KCNMB2: variants seen among roughly 807,000 people sequenced by gnomAD.
KCNMB2 encodes the protein potassium calcium-activated channel subfamily M regulatory beta subunit 2.
In KCNMB2, 9 loss-of-function variants were observed where a neutral mutation model predicts 24.5. That is an observed-to-expected ratio of 0.37 (90% CI 0.22 to 0.64). The LOEUF (loss-of-function observed/expected upper bound fraction) is 0.64, where lower values mean the gene tolerates loss of function less well. Ranked by LOEUF, KCNMB2 falls within the 30% of genes least tolerant of loss-of-function variation. The pLI is 0.63. For missense variants in KCNMB2, 226 were observed against 284.3 expected, an observed-to-expected ratio of 0.79 and a Z score of 1.47; for synonymous variants, 109 against 104.4, an observed-to-expected ratio of 1.04 and a Z score of -0.27.
chr3:178,760,319 GAT>G (rs543972485), intron 1 of KCNMB2, among the ~76,000 whole-genome samples: 2 of 102,060 alleles, frequency 2.0e-5, no homozygotes, highest in African/African-American at 3.5e-5. Context: ...TCTATATATA[GAT>G]ATATATAGAT....
At chr3:178,647,519 TAA>T (rs1490162360) in intron 1 of KCNMB2, among the ~76,000 whole-genome samples, 2 of 152,182 alleles carry the variant, frequency 1.3e-5, no homozygotes, top group African/African-American at 4.8e-5. Flanking sequence ...CTTATAAGCT[TAA>T]AAAAGTTATT....
chr3:178,750,751 C>T (rs548453685), intron 1 of KCNMB2, among the ~76,000 whole-genome samples: 1 of 152,160 alleles, frequency 6.6e-6, no homozygotes, highest in Non-Finnish European at 1.5e-5. Context: ...TATGGGGTAC[C>T]CAGTTGGCAG....
At position 178,843,148 on chromosome 3, in the gene KCNMB2, G is replaced by A. The variant is rs968106003; in HGVS notation, c.*211G>A. 6.2e-6 allele frequency: 4 copies of A among 641,908 alleles called. No homozygotes were observed. The East Asian group carries it at 9.4e-5, about 15-fold the overall frequency. The allele number at this position is 641,908 out of a possible 1,614,324, so 39.8% of individuals were successfully genotyped here. Reference sequence around the variant, plus strand: ...AAATAACTGTTTTGTGTTGGTTGGTGGTTTTCATAATCTTATTTCTGTACT... The same window carrying A: ...AAATAACTGTTTTGTGTTGGTTGGTAGTTTTCATAATCTTATTTCTGTACT... On this transcript the variant is annotated 3_prime_UTR_variant, in exon 5 of 5. Transcript: ENST00000452583.
At chr3:178,808,484 A>C (rs1162684207) in intron 2 of KCNMB2, among the ~76,000 whole-genome samples, 1 of 152,210 alleles carries the variant, frequency 6.6e-6, no homozygotes, top group Non-Finnish European at 1.5e-5. Flanking sequence ...CACAAGGAGA[A>C]GAACCTGAAG....
At chr3:178,538,744 C>A (rs2108444494) in intron 1 of KCNMB2, among the ~76,000 whole-genome samples, 1 of 152,166 alleles carries the variant, frequency 6.6e-6, no homozygotes, top group East Asian at 1.9e-4. Context: ...TGTATGCCCA[C>A]AACCTGAAAA....
chr3:178,560,450 G>A (rs1716275976), intron 1 of KCNMB2, among the ~76,000 whole-genome samples: 1 of 152,208 alleles, frequency 6.6e-6, no homozygotes, highest in Admixed American at 6.5e-5. Flanking sequence ...TCACCCCACT[G>A]AAGCGATTGC....
intron 1 of KCNMB2, among the ~76,000 whole-genome samples, chr3:178,674,330 CAT>C (rs111986937): frequency 5.9e-5 from 9 of 151,544 alleles, no homozygotes; most frequent in Non-Finnish European, 1.0e-4. Flanking sequence ...ACTTAGATGT[CAT>C]ATATATATAT....
chr3:178,594,323 A>G (rs1364831278), intron 1 of KCNMB2, among the ~76,000 whole-genome samples: 1 of 152,118 alleles, frequency 6.6e-6, no homozygotes, highest in Non-Finnish European at 1.5e-5. Context: ...GAAGAGCAAA[A>G]GCAGAGAGAC....
intron 1 of KCNMB2, among the ~76,000 whole-genome samples, chr3:178,557,306 C>A (rs897527809): frequency 1.3e-5 from 2 of 152,084 alleles, no homozygotes; most frequent in Non-Finnish European, 2.9e-5. Flanking sequence ...ATGACAAAGG[C>A]TCTCTTTTTC....
intron 1 of KCNMB2, among the ~76,000 whole-genome samples, chr3:178,707,041 A>C (rs1722301908): frequency 6.6e-6 from 1 of 152,146 alleles, no homozygotes; most frequent in African/African-American, 2.4e-5. Context: ...AAAAGAAAAA[A>C]AGTAAAGAAT....
At chr3:178,665,598 G>C (rs979116291) in intron 1 of KCNMB2, among the ~76,000 whole-genome samples, 1 of 152,006 alleles carries the variant, frequency 6.6e-6, no homozygotes, top group Non-Finnish European at 1.5e-5. Flanking sequence ...TGTTTTCAAT[G>C]ACTTTGAGAT....
At chr3:178,543,850 T>A (rs569564561) in intron 1 of KCNMB2, among the ~76,000 whole-genome samples, 22 of 152,198 alleles carry the variant, frequency 1.4e-4, no homozygotes, top group Non-Finnish European at 2.8e-4. Context: ...ATTTTTAAGA[T>A]TGGATTTTTT....
chr3:178,686,318 C>T (rs1294745290), intron 1 of KCNMB2, among the ~76,000 whole-genome samples: 1 of 152,132 alleles, frequency 6.6e-6, no homozygotes, highest in Non-Finnish European at 1.5e-5. Flanking sequence ...ATTTTCCATA[C>T]TAGGTTTGGT....
intron 4 of KCNMB2, among the ~76,000 whole-genome samples, chr3:178,836,491 T>C (rs13326218): frequency 0.035 from 5,356 of 152,184 alleles, 315 homozygotes; most frequent in African/African-American, 0.12. Context: ...TTTTCAGTAC[T>C]AAAGAGAAGT....
chr3:178,754,150 GTATATATA>G lies in KCNMB2; in HGVS notation c.-67-53172_-67-53165del, dbSNP rs755809548. On this transcript the variant is annotated intron_variant, in intron 1 of 4. Transcript: ENST00000452583. ...TTTCATGGCTGAATAATATTCCATTGTATATATATATATATATATATATATATACACAC... is the reference window on the plus strand; with the variant it reads ...TTTCATGGCTGAATAATATTCCATTGTATATATATATATATATATACACAC... Among the ~76,000 whole-genome samples, 79 of 106,278 alleles carry G rather than the reference GTATATATA, an allele frequency of 7.4e-4. 2 individuals carry two copies. The highest frequency in any genetic ancestry group is 3.0e-3 in the African/African-American group (79 of 26,590). 69.7% of individuals were successfully genotyped at this position (106,278 alleles called of 152,430 possible).
chr3:178,564,601 C>T (rs1364884155), intron 1 of KCNMB2, among the ~76,000 whole-genome samples: 5 of 152,158 alleles, frequency 3.3e-5, no homozygotes, highest in African/African-American at 9.7e-5. Flanking sequence ...ACATGCATTG[C>T]CTTATCGAAT....
intron 1 of KCNMB2, among the ~76,000 whole-genome samples, chr3:178,631,745 T>C (rs1215262084): frequency 6.6e-6 from 1 of 152,244 alleles, no homozygotes; most frequent in African/African-American, 2.4e-5. Context: ...AAATTATGGA[T>C]TTCAGCTTGT....
intron 2 of KCNMB2, among the ~76,000 whole-genome samples, chr3:178,822,770 G>A (rs1291576731): frequency 6.6e-6 from 1 of 152,170 alleles, no homozygotes; most frequent in African/African-American, 2.4e-5. Context: ...CTTTCAAATT[G>A]TGATTTGTTT....
chr3:178,619,724 T>G (rs1376842656), intron 1 of KCNMB2, among the ~76,000 whole-genome samples: 1 of 152,200 alleles, frequency 6.6e-6, no homozygotes, highest in Non-Finnish European at 1.5e-5. Context: ...TCCAACCTTT[T>G]CCTTGACCCA....
Sources: gnomAD v4.1 joint callset for allele counts (sites outside exome capture counted in the v4.1 genomes callset) on GRCh38, gnomAD v4.1.1 for gene constraint, MANE v1.5 for transcripts, NCBI Gene and HGNC (gene_info 2026-07-23, HGNC 2026-07-21) for gene names.